Variants in VAV3 observed in about 807,000 individuals in gnomAD.
VAV3 encodes the protein vav guanine nucleotide exchange factor 3.
VAV3 carries 94 observed loss-of-function variants against 131.2 expected under a neutral mutation model. The ratio of observed to expected loss-of-function variants is 0.72; its 90% CI spans 0.61 to 0.85. The LOEUF is 0.85. Ranked by LOEUF, VAV3 falls within the 40% of genes least tolerant of loss-of-function variation. The pLI is 0.00. For missense variants in VAV3, 939 were observed against 1,002.7 expected, an observed-to-expected ratio of 0.94 and a Z score of 0.86; for synonymous variants, 349 against 342.0, an observed-to-expected ratio of 1.02 and a Z score of -0.22.
chr1:107,831,867 G>A (rs1332164736), intron 2 of VAV3, among the ~76,000 whole-genome samples: 1 of 152,208 alleles, frequency 6.6e-6, no homozygotes. Context: ...TCAGTAGAAA[G>A]GTTCTGCTGA....
chr1:107,890,541 T>C (rs976142924), intron 1 of VAV3, among the ~76,000 whole-genome samples: 1 of 152,154 alleles, frequency 6.6e-6, no homozygotes, highest in African/African-American at 2.4e-5. Flanking sequence ...ACTATTTCTG[T>C]CTGGGGCTCA....
intron 19 of VAV3, among the ~76,000 whole-genome samples, chr1:107,647,869 TA>T (rs1373989582): frequency 6.6e-6 from 1 of 152,034 alleles, no homozygotes; most frequent in Non-Finnish European, 1.5e-5. Context: ...GTTCACAATC[TA>T]AGAATCAGGT....
At chr1:107,953,596 T>C (rs558893533) in intron 1 of VAV3, among the ~76,000 whole-genome samples, 2 of 152,306 alleles carry the variant, frequency 1.3e-5, no homozygotes, top group South Asian at 4.1e-4. Context: ...GCTATTGCTA[T>C]AAGTACAGAA....
intron 5 of VAV3, 126 bp from the exon 6 acceptor site, chr1:107,770,854 G>A: frequency 1.5e-6 from 1 of 679,494 alleles, no homozygotes; most frequent in Non-Finnish European, 2.4e-6. Flanking sequence ...ATAATTGAAA[G>A]ACATCTAACT....
At chr1:107,842,491 G>A (rs947147087) in intron 2 of VAV3, among the ~76,000 whole-genome samples, 1 of 152,034 alleles carries the variant, frequency 6.6e-6, no homozygotes, top group Non-Finnish European at 1.5e-5. Context: ...AAATTGTTTC[G>A]GTACTTCCAC....
chr1:107,590,684 A>G (rs1167724588), intron 25 of VAV3, among the ~76,000 whole-genome samples: 1 of 152,104 alleles, frequency 6.6e-6, no homozygotes, highest in Non-Finnish European at 1.5e-5. Context: ...TGGTTTTATC[A>G]CTTGCCAGTT....
rs34775096 is a variant in VAV3 at position 107,775,577 on chromosome 1, C to CAAAAAA, written c.446+1648_446+1653dup. Among the ~76,000 whole-genome samples, 33 of 56,470 alleles carry CAAAAAA rather than the reference C, an allele frequency of 5.8e-4. 1 individual carries two copies. The highest frequency in any genetic ancestry group is 8.2e-4 in the African/African-American group (11 of 13,352). The allele number at this position is 56,470 out of a possible 152,430, so 37.0% of individuals were successfully genotyped here. A position where few individuals can be genotyped will look rare whatever the true frequency, so the allele number is the denominator to read the frequency against. On this transcript the variant is annotated intron_variant, in intron 4 of 26. Transcript: ENST00000370056. ...TGGGTGCCAGAGCAAGACTCAGTCA[C>CAAAAAA]AAAAAAAAAAAAAAAAAAAAAAAAA...
At chr1:107,585,696 C>T (rs1005826995) in intron 25 of VAV3, among the ~76,000 whole-genome samples, 8 of 152,146 alleles carry the variant, frequency 5.3e-5, no homozygotes, top group African/African-American at 1.9e-4. Context: ...AGTCATGGAT[C>T]CACACCACTA....
intron 20 of VAV3, among the ~76,000 whole-genome samples, chr1:107,641,413 T>C (rs939142272): frequency 6.6e-6 from 1 of 152,164 alleles, no homozygotes; most frequent in African/African-American, 2.4e-5. Flanking sequence ...CAATGCACAA[T>C]AGATTTTTTA....
At chr1:107,865,435 C>T (rs954829339) in intron 2 of VAV3, among the ~76,000 whole-genome samples, 10 of 152,004 alleles carry the variant, frequency 6.6e-5, no homozygotes, top group Admixed American at 1.3e-4. Flanking sequence ...AATTGAGTCA[C>T]CGCAGACAAG....
intron 2 of VAV3, among the ~76,000 whole-genome samples, chr1:107,805,424 G>A (rs1411968664): frequency 1.3e-5 from 2 of 152,046 alleles, no homozygotes; most frequent in African/African-American, 4.8e-5. Flanking sequence ...TCCTCTGCCT[G>A]AGCAATTGTG....
intron 11 of VAV3, among the ~76,000 whole-genome samples, 192 bp from the exon 12 acceptor site, chr1:107,755,705 G>A (rs1049879523): frequency 3.9e-5 from 6 of 152,132 alleles, no homozygotes; most frequent in African/African-American, 1.4e-4. Flanking sequence ...CTGAAGTACA[G>A]CTGGGAAGAC....
At chr1:107,810,713 A>T (rs942112597) in intron 2 of VAV3, among the ~76,000 whole-genome samples, 1 of 152,114 alleles carries the variant, frequency 6.6e-6, no homozygotes, top group East Asian at 1.9e-4. Context: ...TAATCACCCA[A>T]TAGGTAATCA....
At chr1:107,883,471 C>G (rs540762332) in intron 1 of VAV3, among the ~76,000 whole-genome samples, 1 of 152,084 alleles carries the variant, frequency 6.6e-6, no homozygotes, top group East Asian at 1.9e-4. Flanking sequence ...TTAAATGCAA[C>G]GATTCCTTAG....
chr1:107,627,536 C>T (rs1654117528), intron 20 of VAV3, among the ~76,000 whole-genome samples: 1 of 152,110 alleles, frequency 6.6e-6, no homozygotes, highest in African/African-American at 2.4e-5. Flanking sequence ...CAAAAAATAC[C>T]TGATTATCAT....
chr1:107,867,605 T>C lies in VAV3; in HGVS notation c.321+7296A>G, dbSNP rs184107449. ...GTAGCCTTGGAACAAGCTATCTTTG[T>C]TCAGGGAGGAATCACTGCAGAGCTC... On this transcript the variant is annotated intron_variant, in intron 2 of 26. Transcript: ENST00000370056. Among the ~76,000 whole-genome samples the C allele has an allele frequency of 3.3e-5, 5 of 152,322 alleles. No individual in the cohort carries two copies. In the East Asian group the frequency reaches 9.7e-4, roughly 29 times the overall value.
chr1:107,650,701 C>A (rs555744500), intron 19 of VAV3, among the ~76,000 whole-genome samples: 1 of 122,950 alleles, frequency 8.1e-6, no homozygotes, highest in Middle Eastern at 3.6e-3. Context: ...TAATGCTATC[C>A]CTCCCCCCCC....
Position 107,632,688 on chromosome 1 carries a change from C to T in VAV3, c.1914+9931G>A, listed in dbSNP as rs146624629. Among the ~76,000 whole-genome samples, 33 of 152,298 alleles carry T rather than the reference C, an allele frequency of 2.2e-4. No individual in the cohort carries two copies. In the East Asian group the frequency reaches 5.4e-3, roughly 25 times the overall value. ...AATGATTCTTCTAAAGACAGGAGAC[C>T]TAATGTCAAACCAATGATAGGAACT... On this transcript the variant is annotated intron_variant, in intron 20 of 26. Coordinates refer to ENST00000370056, the MANE Select transcript of VAV3 (RefSeq NM_006113.5).
chr1:107,602,527 T>C (rs1189699895), intron 23 of VAV3, 43 bp from the exon 24 acceptor site: 1 of 1,445,284 alleles, frequency 6.9e-7, no homozygotes, highest in African/African-American at 1.5e-5. Flanking sequence ...GTGTTTTTAA[T>C]CAGTAGAAAT....
Sources: gnomAD v4.1 joint callset for allele counts (sites outside exome capture counted in the v4.1 genomes callset) on GRCh38, gnomAD v4.1.1 for gene constraint, MANE v1.5 for transcripts, NCBI Gene and HGNC (gene_info 2026-07-23, HGNC 2026-07-21) for gene names.